Variants in DPP10 observed in about 807,000 individuals in gnomAD.
DPP10 encodes inactive dipeptidyl peptidase 10.
Under a neutral mutation model 120.9 loss-of-function variants are expected in DPP10, and 33 were observed. The observed-to-expected ratio is 0.27, with a 90% confidence interval of 0.21 to 0.37. The LOEUF is 0.37. Among genes scored for constraint, DPP10 ranks in the 10% least tolerant of loss-of-function variants. The pLI, the probability that DPP10 is intolerant of heterozygous loss-of-function variation, is 1.00. For synonymous variants in DPP10, 337 were observed against 326.1 expected (o/e 1.03, Z -0.36); for missense variants, 816 against 942.8 (o/e 0.87, Z 1.76).
At chr2:114,455,923 C>G (rs766169709) in intron 1 of DPP10, among the ~76,000 whole-genome samples, 2 of 152,146 alleles carry the variant, frequency 1.3e-5, no homozygotes, top group Non-Finnish European at 2.9e-5. Flanking sequence ...GCCTACTACT[C>G]AGTCGTGCTT....
chr2:114,818,593 C>G (rs1685831960), intron 1 of DPP10, among the ~76,000 whole-genome samples: 3 of 151,998 alleles, frequency 2.0e-5, no homozygotes, highest in Non-Finnish European at 2.9e-5. Flanking sequence ...GTGATCTAAG[C>G]AACTTGTTTT....
At chr2:114,673,445 A>G (rs1244377480) in intron 1 of DPP10, among the ~76,000 whole-genome samples, 1 of 150,532 alleles carries the variant, frequency 6.6e-6, no homozygotes, top group African/African-American at 2.4e-5. Context: ...TTCTTTTTTT[A>G]TTTTTTGTTT....
intron 1 of DPP10, among the ~76,000 whole-genome samples, chr2:114,864,816 A>T (rs917824001): frequency 6.6e-6 from 1 of 152,218 alleles, no homozygotes; most frequent in African/African-American, 2.4e-5. Context: ...ATTTGGCTTC[A>T]GTACTACCTA....
chr2:115,192,609 GA>G (rs1425150429), intron 1 of DPP10, among the ~76,000 whole-genome samples: 1 of 152,100 alleles, frequency 6.6e-6, no homozygotes, highest in African/African-American at 2.4e-5. Context: ...TTAGACCAAA[GA>G]AAACCAAACA....
At chr2:114,967,782 ACATTATCATTAT>A (rs3981150) in intron 1 of DPP10, among the ~76,000 whole-genome samples, 36 of 151,900 alleles carry the variant, frequency 2.4e-4, no homozygotes, top group African/African-American at 2.7e-4. Context: ...GCCTTATTTA[ACATTATCATTAT>A]CATTATCATT....
chr2:114,943,750 T>C (rs1008552489), intron 1 of DPP10, among the ~76,000 whole-genome samples: 2 of 152,202 alleles, frequency 1.3e-5, no homozygotes, highest in South Asian at 2.1e-4. Context: ...ACAAATATTA[T>C]AGAAAATACA....
At chr2:115,324,875 T>G (rs1338233131) in intron 2 of DPP10, among the ~76,000 whole-genome samples, 1 of 152,126 alleles carries the variant, frequency 6.6e-6, no homozygotes, top group African/African-American at 2.4e-5. Context: ...AGGCTACTGT[T>G]GCCCTAATTT....
chr2:114,682,313 A>G (rs1173795042), intron 1 of DPP10, among the ~76,000 whole-genome samples: 1 of 151,940 alleles, frequency 6.6e-6, no homozygotes, highest in African/African-American at 2.4e-5. Flanking sequence ...ACTGACATAC[A>G]TCTTCCAAGG....
intron 3 of DPP10, among the ~76,000 whole-genome samples, chr2:115,388,272 G>A (rs72957776): frequency 0.016 from 2,364 of 152,266 alleles, 61 homozygotes; most frequent in African/African-American, 0.053. Context: ...GTAGATAGGT[G>A]CCATGTTATT....
At chr2:115,305,459 G>A (rs2061323102) in intron 1 of DPP10, among the ~76,000 whole-genome samples, 1 of 152,086 alleles carries the variant, frequency 6.6e-6, no homozygotes, top group African/African-American at 2.4e-5. Context: ...AAGGCTGGGT[G>A]TAGTGGCTTA....
chr2:114,908,366 C>T lies in DPP10; in HGVS notation c.61-400873C>T, dbSNP rs192391870. On this transcript the variant is annotated intron_variant, in intron 1 of 25. Transcript: ENST00000410059. The stretch of plus-strand genomic sequence containing the variant: ...TTTTCTTTTGGTATTGTATGTCTCA[C>T]GTCTCTTTTTGTTTCTCTGTTCCCC... Among the ~76,000 whole-genome samples the T allele has an allele frequency of 2.6e-5, 4 of 151,914 alleles. No individual in the cohort carries two copies. The East Asian group carries it at 5.8e-4, about 22-fold the overall frequency.
At chr2:115,586,749 T>C (rs1281970658) in intron 5 of DPP10, among the ~76,000 whole-genome samples, 1 of 152,196 alleles carries the variant, frequency 6.6e-6, no homozygotes, top group African/African-American at 2.4e-5. Context: ...CTACACAACT[T>C]TTTTTAAGTT....
intron 7 of DPP10, among the ~76,000 whole-genome samples, chr2:115,720,369 G>T (rs11689783): frequency 6.6e-6 from 1 of 152,158 alleles, no homozygotes; most frequent in African/African-American, 2.4e-5. Context: ...AATTCCTCCA[G>T]ATGGTTTCTA....
intron 1 of DPP10, among the ~76,000 whole-genome samples, chr2:114,653,005 AGAG>A (rs1558969793): frequency 6.9e-6 from 1 of 144,514 alleles, no homozygotes; most frequent in African/African-American, 2.7e-5. Flanking sequence ...AGAGAGAGAG[AGAG>A]AAAGAGAGAG....
chr2:115,169,201 T>A (rs577297586), intron 1 of DPP10, among the ~76,000 whole-genome samples: 1 of 152,288 alleles, frequency 6.6e-6, no homozygotes, highest in South Asian at 2.1e-4. Flanking sequence ...CATTCTTTCA[T>A]CTTGAAAAGG....
At chr2:114,786,453 A>AT (rs1279881883) in intron 1 of DPP10, among the ~76,000 whole-genome samples, 1 of 152,204 alleles carries the variant, frequency 6.6e-6, no homozygotes, top group Non-Finnish European at 1.5e-5. Flanking sequence ...ATGGTGAGGC[A>AT]TTTTGAAATG....
chr2:115,047,930 T>C (rs1705188901), intron 1 of DPP10, among the ~76,000 whole-genome samples: 1 of 152,136 alleles, frequency 6.6e-6, no homozygotes, highest in Admixed American at 6.6e-5. Flanking sequence ...TTCTCTCACC[T>C]ACTGTTCCCA....
chr2:115,783,777 T>C (rs1407105884), intron 17 of DPP10, among the ~76,000 whole-genome samples: 1 of 152,198 alleles, frequency 6.6e-6, no homozygotes, highest in African/African-American at 2.4e-5. Context: ...TTGAATCTCA[T>C]AGATAGAACT....
At chr2:115,519,832 G>T (rs1485869690) in intron 4 of DPP10, among the ~76,000 whole-genome samples, 1 of 152,038 alleles carries the variant, frequency 6.6e-6, no homozygotes, top group African/African-American at 2.4e-5. Flanking sequence ...CCTTCCTCAT[G>T]CTCAAACCAG....
Sources: gnomAD v4.1 joint callset for allele counts (sites outside exome capture counted in the v4.1 genomes callset) on GRCh38, gnomAD v4.1.1 for gene constraint, MANE v1.5 for transcripts, NCBI Gene and HGNC (gene_info 2026-07-23, HGNC 2026-07-21) for gene names.